Variants in NAA11 observed in about 807,000 individuals in gnomAD.
NAA11 encodes the protein N-alpha-acetyltransferase 11, NatA catalytic subunit.
In NAA11, 15 loss-of-function variants were observed where a neutral mutation model predicts 16.1. The observed-to-expected ratio is 0.93, with a 90% CI of 0.62 to 1.44. The LOEUF (loss-of-function observed/expected upper bound fraction) is 1.44. Among genes scored for constraint, NAA11 ranks in the 40% most tolerant of loss-of-function variants. The pLI is 0.00. For missense variants in NAA11, 298 were observed against 291.3 expected, an observed-to-expected ratio of 1.02 and a Z score of -0.17; for synonymous variants, 122 against 112.4, an observed-to-expected ratio of 1.09 and a Z score of -0.54.
intron 2 of NAA11, among the ~76,000 whole-genome samples, chr4:79,250,921 A>G (rs1036828070): frequency 6.6e-6 from 1 of 152,220 alleles, no homozygotes; most frequent in Non-Finnish European, 1.5e-5. Flanking sequence ...ACAATGACAT[A>G]CCATCTCACA....
chr4:79,161,141 C>A, the NAA11 span, among the ~76,000 whole-genome samples: 2 of 152,116 alleles, frequency 1.3e-5, no homozygotes, highest in Non-Finnish European at 1.5e-5. Context: ...CAGCTTCATT[C>A]TTTTGCAAAT....
the NAA11 span, among the ~76,000 whole-genome samples, chr4:79,181,301 G>C: frequency 6.6e-6 from 1 of 151,584 alleles, no homozygotes; most frequent in Non-Finnish European, 1.5e-5. Context: ...CAAAGGCAAA[G>C]ATGAAGCAGC....
At chr4:79,219,118 A>C in the NAA11 span, among the ~76,000 whole-genome samples, 1 of 152,070 alleles carries the variant, frequency 6.6e-6, no homozygotes, top group East Asian at 1.9e-4. Flanking sequence ...ATCTGATTTG[A>C]TTTGACTTTA....
chr4:79,307,318 G>A (rs1723620937), intron 1 of NAA11: 1 of 152,170 alleles, frequency 6.6e-6, no homozygotes, highest in African/African-American at 2.4e-5. Context: ...CAGATGATTT[G>A]TCTTTGAAAA....
chr4:79,201,443 A>G, the NAA11 span, among the ~76,000 whole-genome samples: 3 of 151,800 alleles, frequency 2.0e-5, no homozygotes, highest in African/African-American at 7.2e-5. Context: ...TTTAATTTAC[A>G]TTAATACTTG....
chr4:79,194,878 G>C, the NAA11 span, among the ~76,000 whole-genome samples: 1 of 151,992 alleles, frequency 6.6e-6, no homozygotes, highest in Non-Finnish European at 1.5e-5. Flanking sequence ...TAGTAGTTAA[G>C]TAACTTGCTC....
the NAA11 span, among the ~76,000 whole-genome samples, chr4:79,163,039 C>T: frequency 1.3e-5 from 2 of 152,124 alleles, no homozygotes; most frequent in Non-Finnish European, 2.9e-5. Flanking sequence ...AGTAATGCAG[C>T]TAATATAAGT....
chr4:79,156,317 G>GTA, the NAA11 span, among the ~76,000 whole-genome samples: 7 of 22,764 alleles, frequency 3.1e-4, no homozygotes, highest in Non-Finnish European at 7.7e-5. Flanking sequence ...GATGTGATGT[G>GTA]TGTGTGTGTG....
intron 2 of NAA11, among the ~76,000 whole-genome samples, chr4:79,250,986 T>C (rs1230622254): frequency 6.6e-6 from 1 of 152,218 alleles, no homozygotes; most frequent in Non-Finnish European, 1.5e-5. Context: ...CAAGTGAGTT[T>C]GCAGAGAAAA....
the NAA11 span, among the ~76,000 whole-genome samples, chr4:79,161,903 G>A: frequency 3.9e-5 from 6 of 152,022 alleles, no homozygotes; most frequent in African/African-American, 9.7e-5. Context: ...GGCTGGTCTC[G>A]AACTCCTGAC....
At chr4:79,309,532 TC>T (rs1723697980) in intron 1 of NAA11, among the ~76,000 whole-genome samples, 1 of 152,150 alleles carries the variant, frequency 6.6e-6, no homozygotes, top group African/African-American at 2.4e-5. Flanking sequence ...TACCTGTGCC[TC>T]TTATTTTTAC....
At chr4:79,181,491 G>A in the NAA11 span, among the ~76,000 whole-genome samples, 6 of 152,172 alleles carry the variant, frequency 3.9e-5, no homozygotes, top group African/African-American at 1.4e-4. Flanking sequence ...TCCTTAGAAA[G>A]TTCAAGGAAG....
chr4:79,317,955 G>A (rs1331440461), intron 1 of NAA11, among the ~76,000 whole-genome samples, 164 bp from the exon 2 acceptor site: 1 of 152,150 alleles, frequency 6.6e-6, no homozygotes, highest in Non-Finnish European at 1.5e-5. Flanking sequence ...TGAGAATTCA[G>A]ATGACTGCAC....
At chr4:79,283,638 G>C (rs1001528426) in intron 2 of NAA11, among the ~76,000 whole-genome samples, 3 of 152,056 alleles carry the variant, frequency 2.0e-5, no homozygotes, top group Non-Finnish European at 2.9e-5. Context: ...ATCTCTAAGG[G>C]TATGTGCTAA....
At chr4:79,269,642 T>C (rs1369352561) in intron 2 of NAA11, among the ~76,000 whole-genome samples, 4 of 148,342 alleles carry the variant, frequency 2.7e-5, no homozygotes, top group Non-Finnish European at 6.0e-5. Context: ...TTTTCTCCCA[T>C]TTTGTAGGTT....
chr4:79,162,963 G>T, the NAA11 span, among the ~76,000 whole-genome samples: 1 of 152,192 alleles, frequency 6.6e-6, no homozygotes, highest in East Asian at 1.9e-4. Flanking sequence ...AGTAGGAACT[G>T]TTATTACCAT....
Position 79,311,022 on chromosome 4 carries a change from A to G in NAA11, c.*12+14154T>C, listed in dbSNP as rs116262688. ...AGTCCAGCGCTATTTGACTTAAGAC[A>G]GTGTGTATGGTGTCCTGGAAAGGTT... On this transcript the variant is annotated intron_variant and NMD_transcript_variant, in intron 1 of 2. Transcript: ENST00000511542. Among the ~76,000 whole-genome samples the G allele has an allele frequency of 8.1e-3, 1,150 of 141,188 alleles. 5 individuals are homozygous for G. Among genetic ancestry groups the G allele is most frequent in the Non-Finnish European group, 0.012 (810 of 65,508 alleles). 92.6% of individuals were successfully genotyped at this position (141,188 alleles called of 152,430 possible).
At chr4:79,200,635 A>T in the NAA11 span, among the ~76,000 whole-genome samples, 1 of 151,800 alleles carries the variant, frequency 6.6e-6, no homozygotes, top group African/African-American at 2.4e-5. Flanking sequence ...GAAAGGTTTA[A>T]CGTGGGAAAT....
At chr4:79,185,808 A>G in the NAA11 span, among the ~76,000 whole-genome samples, 1 of 152,178 alleles carries the variant, frequency 6.6e-6, no homozygotes. Context: ...AACTCTTTCC[A>G]ACTGGCTACA....
Sources: gnomAD v4.1 joint callset for allele counts (sites outside exome capture counted in the v4.1 genomes callset) on GRCh38, gnomAD v4.1.1 for gene constraint, MANE v1.5 for transcripts, NCBI Gene and HGNC (gene_info 2026-07-23, HGNC 2026-07-21) for gene names.